FAM120A: variants seen among roughly 807,000 people sequenced by gnomAD.
The protein encoded by FAM120A is constitutive coactivator of PPAR-gamma-like protein 1.
A neutral mutation model predicts 109.7 loss-of-function variants in FAM120A; 15 were observed. That is an observed-to-expected ratio of 0.14 (90% CI 0.09 to 0.21). The LOEUF is 0.21. Ranked by LOEUF, FAM120A falls within the 10% of genes least tolerant of loss-of-function variation. The pLI, the probability that FAM120A is intolerant of heterozygous loss-of-function variation, is 1.00. For synonymous variants in FAM120A, 493 were observed against 572.8 expected (o/e 0.86, Z 1.99); for missense variants, 899 against 1,439.3 (o/e 0.62, Z 6.07).
At chr9:93,495,656 A>C (rs1458721125) in intron 3 of FAM120A, among the ~76,000 whole-genome samples, 1 of 152,226 alleles carries the variant, frequency 6.6e-6, no homozygotes, top group East Asian at 1.9e-4. Flanking sequence ...AAATGCTATG[A>C]TCGCTTGAGT....
At chr9:93,501,974 T>G (rs1310849952) in intron 5 of FAM120A, among the ~76,000 whole-genome samples, 1 of 152,204 alleles carries the variant, frequency 6.6e-6, no homozygotes, top group Non-Finnish European at 1.5e-5. Flanking sequence ...AGGAACAACA[T>G]GGAGTCGGTG....
At chr9:93,472,930 A>G (rs1019993470) in intron 2 of FAM120A, among the ~76,000 whole-genome samples, 1 of 152,248 alleles carries the variant, frequency 6.6e-6, no homozygotes, top group Non-Finnish European at 1.5e-5. Context: ...CTGGGCAGGG[A>G]AAGATTAACT....
chr9:93,518,129 A>G (rs563206007), intron 7 of FAM120A, among the ~76,000 whole-genome samples: 78 of 152,328 alleles, frequency 5.1e-4, no homozygotes, highest in African/African-American at 1.9e-3. Context: ...CCCTATAATA[A>G]GGAAGAGACA....
chr9:93,482,136 G>A (rs1411461335), intron 3 of FAM120A, among the ~76,000 whole-genome samples: 1 of 151,474 alleles, frequency 6.6e-6, no homozygotes, highest in Non-Finnish European at 1.5e-5. Context: ...CCCGTATACC[G>A]GGGGCAATCT....
In FAM120A at chr9:93,452,008, G is replaced by A. The variant is rs1176655303; in HGVS notation, c.93G>A (p.Leu31=). 7 of 1,554,852 alleles carry A rather than the reference G, an allele frequency of 4.5e-6. No individual in the cohort carries two copies. Among genetic ancestry groups the A allele is most frequent in the Non-Finnish European group, 6.1e-6 (7 of 1,150,652 alleles). The part of the protein sequence containing the change: ...VELQKLARGS[L]VGGGRQRPPQ... ...TGCAGAAGCTGGCCCGGGGCAGCCTGGTGGGCGGCGGGCGGCAGCGGCCCC... is the reference window on the plus strand; with the variant it reads ...TGCAGAAGCTGGCCCGGGGCAGCCTAGTGGGCGGCGGGCGGCAGCGGCCCC... Residue 31 remains leucine (L), a synonymous_variant, in exon 1 of 18, where the codon CTG becomes CTA. Transcript: ENST00000277165. This position sits in a 1 kb window ranked among gnomAD's most constrained non-coding sequence, Gnocchi z 7.0.
At position 93,452,015 on chromosome 9, in the gene FAM120A, G is replaced by T; in HGVS notation, c.100G>T (p.Gly34Cys). 6.4e-7 allele frequency: 1 copy of T among 1,556,810 alleles called. No homozygotes were observed. Among genetic ancestry groups the T allele is most frequent in the Non-Finnish European group, 8.7e-7 (1 of 1,151,652 alleles). The change falls in exon 1 of 18, where the codon GGC becomes TGC. Residue 34 changes from glycine to cysteine, a missense_variant. Gly to Cys is a radical substitution (Grantham distance 159). Transcript: ENST00000277165. The surrounding 1 kb of genome is among the most constrained non-coding windows in gnomAD (Gnocchi z 7.0). ...GCTGGCCCGGGGCAGCCTGGTGGGC[G>T]GCGGGCGGCAGCGGCCCCCGCAGAC... ...QKLARGSLVG[G>C]GRQRPPQTPL... is the part of the protein sequence containing the mutation.
chr9:93,453,193 T>A (rs1054488737), intron 1 of FAM120A: 1 of 1,002,800 alleles, frequency 1.0e-6, no homozygotes. Context: ...CTCGCAGGAT[T>A]TATTTTTCGG....
Position 93,451,877 on chromosome 9 carries a change from C to T in FAM120A, c.-39C>T. ...GGCCCCACCACCCCCGGCCCCGCCGCCCCCCGCCCGCACCCGCGCCCGCGC... is the reference window on the plus strand; with the variant it reads ...GGCCCCACCACCCCCGGCCCCGCCGTCCCCCGCCCGCACCCGCGCCCGCGC... On this transcript the variant is annotated 5_prime_UTR_variant, in exon 1 of 18. Transcript: ENST00000277165. 16 of 1,178,364 alleles carry T rather than the reference C, an allele frequency of 1.4e-5. No homozygotes were observed. Among genetic ancestry groups the T allele is most frequent in the East Asian group, 3.8e-5 (1 of 26,540 alleles). The allele number at this position is 1,178,364 out of a possible 1,614,324, so 73.0% of individuals were successfully genotyped here.
intron 7 of FAM120A, among the ~76,000 whole-genome samples, chr9:93,525,642 G>A (rs73651246): frequency 0.063 from 9,585 of 152,204 alleles, 450 homozygotes; most frequent in African/African-American, 0.13. Flanking sequence ...ATCTCTATCA[G>A]CACATGCTCA....
intron 1 of FAM120A, 61 bp from the exon 2 acceptor site, chr9:93,471,080 T>C: frequency 1.3e-6 from 2 of 1,573,612 alleles, no homozygotes; most frequent in South Asian, 2.3e-5. Context: ...CATTTCTGCT[T>C]ATTGAGCTTG....
chr9:93,532,056 A>C lies in FAM120A; in HGVS notation c.1735-99A>C, dbSNP rs1861350428. On this transcript the variant is annotated intron_variant, in intron 9 of 17. Transcript: ENST00000277165. The surrounding 1 kb of genome is among the most constrained non-coding windows in gnomAD (Gnocchi z 4.3). Reference sequence around the variant, plus strand: ...AGCAGTTGATTTGGAATGGAATTGCAATGTCATTAACTGGAGATAATACAG... The same window carrying C: ...AGCAGTTGATTTGGAATGGAATTGCCATGTCATTAACTGGAGATAATACAG... 15 of 1,118,994 alleles carry C rather than the reference A, an allele frequency of 1.3e-5. No individual in the cohort carries two copies. Among genetic ancestry groups the C allele is most frequent in the Non-Finnish European group, 1.8e-5 (14 of 770,194 alleles). 69.3% of individuals were successfully genotyped at this position (1,118,994 alleles called of 1,614,324 possible). A position where few individuals can be genotyped will look rare whatever the true frequency, so the allele number is the denominator to read the frequency against.
chr9:93,497,657 G>T, intron 4 of FAM120A, 58 bp downstream of exon 4: 1 of 1,552,044 alleles, frequency 6.4e-7, no homozygotes, highest in South Asian at 1.2e-5. Flanking sequence ...ACGTTGCATA[G>T]TGGTGTGGCC....
intron 7 of FAM120A, among the ~76,000 whole-genome samples, chr9:93,524,640 C>T (rs184787383): frequency 3.9e-4 from 60 of 152,322 alleles, no homozygotes; most frequent in Admixed American, 5.2e-4. Context: ...TCTGTAGCGT[C>T]GGCTCGGCTC....
Position 93,488,022 on chromosome 9 carries a change from T to C in FAM120A, c.805-9449T>C, listed in dbSNP as rs573732528. Among the ~76,000 whole-genome samples, 3 of 152,342 alleles carry C rather than the reference T, an allele frequency of 2.0e-5. No individual in the cohort carries two copies. The South Asian group carries it at 6.2e-4, about 32-fold the overall frequency. The stretch of plus-strand genomic sequence containing the variant: ...TTGACACCTTCAGGCATGGTCTTCC[T>C]CAACTTCTCTTTCCTCATATACACA... On this transcript the variant is annotated intron_variant, in intron 3 of 17. Transcript: ENST00000277165.
At position 93,476,251 on chromosome 9, in the gene FAM120A, T is replaced by C; in HGVS notation, c.722-5T>C. ...GCTTTTATGTTATCCATGTTTATAT[T>C]CCAGGAAATCACATTCTGCCTGATG... On this transcript the variant is annotated splice_region_variant and splice_polypyrimidine_tract_variant and intron_variant, in intron 2 of 17. Coordinates refer to ENST00000277165, the MANE Select transcript of FAM120A (RefSeq NM_014612.5). 1 of 1,591,208 alleles carries C rather than the reference T, an allele frequency of 6.3e-7. No individual in the cohort carries two copies. The highest frequency in any genetic ancestry group is 8.6e-7 in the Non-Finnish European group (1 of 1,159,866).
At chr9:93,457,524 A>G (rs1381160589) in intron 1 of FAM120A, among the ~76,000 whole-genome samples, 1 of 152,188 alleles carries the variant, frequency 6.6e-6, no homozygotes, top group Non-Finnish European at 1.5e-5. Context: ...TCCATAATTT[A>G]TCCAACCCCG....
intron 3 of FAM120A, among the ~76,000 whole-genome samples, chr9:93,491,726 T>C (rs2131329568): frequency 6.6e-6 from 1 of 152,336 alleles, no homozygotes; most frequent in Middle Eastern, 3.4e-3. Context: ...CATAAGCGTT[T>C]GCTTGTTAAT....
chr9:93,553,519 T>C (rs1862177415), intron 12 of FAM120A, among the ~76,000 whole-genome samples: 1 of 152,254 alleles, frequency 6.6e-6, no homozygotes, highest in Non-Finnish European at 1.5e-5. Flanking sequence ...TACTGGAATT[T>C]GGTTCTTGAG....
intron 8 of FAM120A, 77 bp from the exon 9 acceptor site, chr9:93,529,276 C>A: frequency 1.5e-6 from 2 of 1,305,814 alleles, no homozygotes; most frequent in Non-Finnish European, 2.1e-6. Context: ...GTCAGGTGAA[C>A]AGGCACCTAC....
Sources: allele counts gnomAD v4.1 joint callset (sites outside exome capture counted in the v4.1 genomes callset), GRCh38; gene constraint gnomAD v4.1.1; non-coding constraint Gnocchi (gnomAD v3.1); transcripts MANE v1.5; gene names NCBI Gene and HGNC (gene_info 2026-07-23, HGNC 2026-07-21).